The following NPAS3 variants were observed in gnomAD, a reference collection of about 807,000 sequenced individuals.
The protein encoded by NPAS3 is neuronal PAS domain-containing protein 3.
NPAS3 carries 14 observed loss-of-function variants against 73.1 expected under a neutral mutation model. That is an observed-to-expected ratio of 0.19 (90% CI 0.13 to 0.30). The LOEUF (loss-of-function observed/expected upper bound fraction) is 0.30, where lower values mean the gene tolerates loss of function less well. Ranked by LOEUF, NPAS3 falls within the 10% of genes least tolerant of loss-of-function variation. The pLI is 1.00. For synonymous variants in NPAS3, 620 were observed against 541.5 expected (o/e 1.14, Z -2.01); for missense variants, 1,096 against 1,250.0 (o/e 0.88, Z 1.86).
intron 5 of NPAS3, among the ~76,000 whole-genome samples, chr14:33,646,491 C>T (rs958907294): frequency 6.6e-6 from 1 of 152,004 alleles, no homozygotes; most frequent in Non-Finnish European, 1.5e-5. Flanking sequence ...AGTTCTGCCT[C>T]CTAGTATCTA....
chr14:33,345,473 A>G (rs894991228), intron 3 of NPAS3, among the ~76,000 whole-genome samples: 2 of 152,252 alleles, frequency 1.3e-5, no homozygotes, highest in Non-Finnish European at 2.9e-5. Context: ...GTCTTCAGTG[A>G]AAATTGTAGT....
chr14:33,224,854 A>G (rs1000918394), intron 3 of NPAS3, among the ~76,000 whole-genome samples: 1 of 152,194 alleles, frequency 6.6e-6, no homozygotes, highest in African/African-American at 2.4e-5. Context: ...GAATAATTTT[A>G]AGAAGGCATT....
chr14:33,033,590 A>C (rs1388475890), intron 1 of NPAS3, among the ~76,000 whole-genome samples: 2 of 152,212 alleles, frequency 1.3e-5, no homozygotes, highest in Non-Finnish European at 2.9e-5. Flanking sequence ...TTAGAAAATC[A>C]GTAGATCATG....
At chr14:33,075,112 T>A (rs2041614353) in intron 2 of NPAS3, among the ~76,000 whole-genome samples, 1 of 152,212 alleles carries the variant, frequency 6.6e-6, no homozygotes, top group Non-Finnish European at 1.5e-5. Flanking sequence ...AATCTCAGCA[T>A]CAACCCAGTT....
At chr14:33,294,918 C>A (rs2140125194) in intron 3 of NPAS3, among the ~76,000 whole-genome samples, 1 of 152,210 alleles carries the variant, frequency 6.6e-6, no homozygotes, top group East Asian at 1.9e-4. Flanking sequence ...GAATGTGGGG[C>A]CAGATCTTTT....
chr14:33,225,151 A>T (rs1196121859), intron 3 of NPAS3, among the ~76,000 whole-genome samples: 1 of 152,220 alleles, frequency 6.6e-6, no homozygotes, highest in Non-Finnish European at 1.5e-5. Context: ...ATTAACTGAC[A>T]GTTACAATAT....
chr14:33,559,864 C>T (rs1336623658), intron 4 of NPAS3, among the ~76,000 whole-genome samples: 3 of 151,978 alleles, frequency 2.0e-5, no homozygotes, highest in African/African-American at 7.2e-5. Flanking sequence ...ACTAAAAATA[C>T]AAAAATTAGC....
At chr14:33,291,708 A>G (rs1247561422) in intron 3 of NPAS3, among the ~76,000 whole-genome samples, 3 of 152,270 alleles carry the variant, frequency 2.0e-5, no homozygotes, top group African/African-American at 7.2e-5. Context: ...GGCACAGTTA[A>G]CATGATACAT....
chr14:33,131,109 G>A (rs1486840468), intron 2 of NPAS3, among the ~76,000 whole-genome samples: 4 of 152,006 alleles, frequency 2.6e-5, no homozygotes, highest in African/African-American at 9.7e-5. Flanking sequence ...GTACACATTT[G>A]GAGCAAGTCT....
At chr14:33,374,783 G>T (rs1210344640) in intron 4 of NPAS3, among the ~76,000 whole-genome samples, 1 of 151,794 alleles carries the variant, frequency 6.6e-6, no homozygotes, top group East Asian at 1.9e-4. Context: ...ATGAAAGATT[G>T]ACTAGTACAA....
intron 4 of NPAS3, among the ~76,000 whole-genome samples, chr14:33,456,534 A>T (rs1030976): frequency 3.3e-5 from 5 of 151,924 alleles, no homozygotes; most frequent in Admixed American, 2.6e-4. Context: ...AAATAAGAAG[A>T]CCAGTCCTCA....
At chr14:32,938,480 AGAAATT>A (rs1440917966), upstream of NPAS3, among the ~76,000 whole-genome samples, 20 of 89,640 alleles carry the variant, frequency 2.2e-4, 1 homozygote, top group African/African-American at 6.3e-4. Context: ...AGAGAGAGAG[AGAAATT>A]GAGAGAGAGA....
intron 2 of NPAS3, among the ~76,000 whole-genome samples, chr14:33,209,200 A>G (rs2046940184): frequency 6.6e-6 from 1 of 152,142 alleles, no homozygotes; most frequent in South Asian, 2.1e-4. Context: ...TAATCCTACC[A>G]GATAATAGTT....
chr14:33,543,427 A>G lies in NPAS3; in HGVS notation c.469-16694A>G, dbSNP rs80314046. ...TCTTCACATTCTTTATAGATTTTAT[A>G]TCAGTCCATTACACTTTGGCCTGAA... On this transcript the variant is annotated intron_variant, in intron 4 of 11. Transcript: ENST00000356141. Among the ~76,000 whole-genome samples, 95 of 152,278 alleles carry G rather than the reference A, an allele frequency of 6.2e-4. No homozygotes were observed. In the East Asian group the frequency reaches 0.018, roughly 28 times the overall value.
At chr14:32,990,458 T>A (rs987160277) in intron 1 of NPAS3, among the ~76,000 whole-genome samples, 3 of 152,212 alleles carry the variant, frequency 2.0e-5, no homozygotes, top group Admixed American at 6.5e-5. Flanking sequence ...CATAACTCTA[T>A]ACTTAAAGTT....
intron 4 of NPAS3, among the ~76,000 whole-genome samples, chr14:33,541,202 G>C (rs749126867): frequency 1.3e-5 from 2 of 151,920 alleles, no homozygotes; most frequent in Non-Finnish European, 2.9e-5. Context: ...CTTGATATCA[G>C]AGTTCACTTG....
chr14:33,146,254 TG>T (rs748295731), intron 2 of NPAS3, among the ~76,000 whole-genome samples: 2 of 152,136 alleles, frequency 1.3e-5, no homozygotes, highest in Non-Finnish European at 2.9e-5. Context: ...GTAAGTAAAG[TG>T]GGGGAAGCAT....
intron 1 of NPAS3, among the ~76,000 whole-genome samples, chr14:33,020,309 G>A (rs186136191): frequency 4.3e-4 from 65 of 152,160 alleles, no homozygotes; most frequent in African/African-American, 1.4e-3. Context: ...CTGGTTCTGG[G>A]GTCAGACAAA....
At chr14:33,202,436 G>T (rs1468048626) in intron 2 of NPAS3, among the ~76,000 whole-genome samples, 3 of 151,998 alleles carry the variant, frequency 2.0e-5, no homozygotes, top group African/African-American at 4.8e-5. Context: ...ACCGATATTT[G>T]TCATCCTGTT....
Sources: gnomAD v4.1 joint callset for allele counts (sites outside exome capture counted in the v4.1 genomes callset) on GRCh38, gnomAD v4.1.1 for gene constraint, MANE v1.5 for transcripts, NCBI Gene and HGNC (gene_info 2026-07-23, HGNC 2026-07-21) for gene names.